WAC: variants seen among roughly 807,000 people sequenced by gnomAD.
WAC encodes the protein WW domain-containing adapter protein with coiled-coil.
Under a neutral mutation model 79.6 loss-of-function variants are expected in WAC, and 11 were observed. The observed-to-expected ratio is 0.14, with a 90% CI of 0.09 to 0.23. The LOEUF (loss-of-function observed/expected upper bound fraction) is 0.23. WAC is among the 10% of genes least tolerant of loss of function. The probability of loss-of-function intolerance (pLI) is 1.00; values close to 1 mark genes in which losing one functional copy is unlikely to be tolerated. For synonymous variants in WAC, 304 were observed against 276.9 expected (o/e 1.10, Z -0.97); for missense variants, 728 against 773.5 (o/e 0.94, Z 0.70).
At chr10:28,614,541 C>A (rs757558139) in intron 10 of WAC, 26 bp from the exon 11 acceptor site, 3 of 1,570,612 alleles carry the variant, frequency 1.9e-6, no homozygotes, top group Admixed American at 1.7e-5. Context: ...ATTTGGAGAC[C>A]ATCTCACCAG....
intron 4 of WAC, among the ~76,000 whole-genome samples, chr10:28,587,668 C>T (rs1839892378): frequency 6.6e-6 from 1 of 152,148 alleles, no homozygotes; most frequent in African/African-American, 2.4e-5. Context: ...TAAAAATTAT[C>T]CCATAATTTG....
chr10:28,551,658 C>T (rs557092537), intron 3 of WAC, among the ~76,000 whole-genome samples: 1 of 152,176 alleles, frequency 6.6e-6, no homozygotes, highest in African/African-American at 2.4e-5. Context: ...AACCCATCCC[C>T]AATAATTAAT....
At chr10:28,569,950 A>G (rs1003168412) in intron 3 of WAC, among the ~76,000 whole-genome samples, 1 of 152,202 alleles carries the variant, frequency 6.6e-6, no homozygotes, top group Non-Finnish European at 1.5e-5. Context: ...TGGGTTATCA[A>G]TGGCTCTATC....
chr10:28,602,742 G>C (rs1840703886), intron 7 of WAC, among the ~76,000 whole-genome samples: 1 of 152,040 alleles, frequency 6.6e-6, no homozygotes, highest in South Asian at 2.1e-4. Flanking sequence ...AGTTTGCAAG[G>C]GTACCTATAA....
At chr10:28,539,509 A>G (rs1344706359) in intron 3 of WAC, among the ~76,000 whole-genome samples, 5 of 152,110 alleles carry the variant, frequency 3.3e-5, no homozygotes, top group Non-Finnish European at 1.5e-5. Context: ...GAAAACATAC[A>G]ATCTTGTTTA....
intron 3 of WAC, among the ~76,000 whole-genome samples, chr10:28,572,708 G>T (rs572548495): frequency 2.0e-5 from 3 of 152,258 alleles, no homozygotes; most frequent in Admixed American, 2.0e-4. Flanking sequence ...CTACTTGGGA[G>T]GCTGAGGCAG....
At chr10:28,557,690 T>A (rs776050562) in intron 3 of WAC, among the ~76,000 whole-genome samples, 2 of 152,144 alleles carry the variant, frequency 1.3e-5, no homozygotes, top group Non-Finnish European at 2.9e-5. Flanking sequence ...TGAGACATTG[T>A]GTCTTTAAAG....
rs555122252 is a variant in WAC, at chr10:28,535,802, T to A, written c.274+45T>A. Reference sequence around the variant, plus strand: ...AAACTTTGACATACAGTTTTAACAATAGCTCTATATAAAAGGCGGCAGTAG... The same window carrying A: ...AAACTTTGACATACAGTTTTAACAAAAGCTCTATATAAAAGGCGGCAGTAG... On this transcript the variant is annotated intron_variant, in intron 3 of 13. Coordinates refer to ENST00000354911, the MANE Select transcript of WAC (RefSeq NM_016628.5). 4.4e-5 allele frequency: 66 copies of A among 1,495,992 alleles called. No individual in the cohort carries two copies. The African/African-American group carries it at 6.6e-4, about 15-fold the overall frequency. 92.7% of individuals were successfully genotyped at this position (1,495,992 alleles called of 1,614,324 possible).
chr10:28,549,205 T>C (rs1837532096), intron 3 of WAC, among the ~76,000 whole-genome samples: 1 of 152,226 alleles, frequency 6.6e-6, no homozygotes, highest in African/African-American at 2.4e-5. Flanking sequence ...AGACAAGTTT[T>C]TGATTTTTTA....
intron 7 of WAC, among the ~76,000 whole-genome samples, chr10:28,599,341 G>A (rs1344330379): frequency 6.6e-6 from 1 of 152,206 alleles, no homozygotes; most frequent in East Asian, 1.9e-4. Flanking sequence ...TAAGAGCAGA[G>A]TCTTTGTCTT....
intron 3 of WAC, among the ~76,000 whole-genome samples, chr10:28,564,286 G>A (rs1838475101): frequency 1.3e-5 from 2 of 152,046 alleles, no homozygotes; most frequent in African/African-American, 4.8e-5. Flanking sequence ...AAAAACCCTA[G>A]GAACAAGAAC....
At chr10:28,579,412 C>T (rs1294240847) in intron 3 of WAC, among the ~76,000 whole-genome samples, 3 of 152,174 alleles carry the variant, frequency 2.0e-5, no homozygotes, top group Non-Finnish European at 2.9e-5. Context: ...TGCTTGAATA[C>T]TCACTAGATT....
At chr10:28,534,759 C>T (rs1836531794) in intron 2 of WAC, among the ~76,000 whole-genome samples, 1 of 152,198 alleles carries the variant, frequency 6.6e-6, no homozygotes, top group Admixed American at 6.5e-5. Flanking sequence ...TCTTAAAGGA[C>T]TAGAGAGCAG....
At chr10:28,568,640 C>T (rs1838780881) in intron 3 of WAC, among the ~76,000 whole-genome samples, 1 of 152,076 alleles carries the variant, frequency 6.6e-6, no homozygotes, top group South Asian at 2.1e-4. Context: ...GTGTGCTGCA[C>T]CCATTAACTT....
At chr10:28,533,909 G>C in intron 1 of WAC, 89 bp from the exon 2 acceptor site, 1 of 1,501,200 alleles carries the variant, frequency 6.7e-7, no homozygotes, top group Non-Finnish European at 9.2e-7. Context: ...TCTCCCGCGG[G>C]GAGGGGCGGC....
At chr10:28,609,271 G>A (rs1841106242) in intron 8 of WAC, among the ~76,000 whole-genome samples, 1 of 152,196 alleles carries the variant, frequency 6.6e-6, no homozygotes, top group Non-Finnish European at 1.5e-5. Flanking sequence ...GCTGAGGTAC[G>A]AGAATCGCTT....
At position 28,610,607 on chromosome 10, in the gene WAC, G is replaced by T. The variant is rs1841190238; in HGVS notation, c.1166-92G>T. The T allele has an allele frequency of 2.0e-5, 27 of 1,324,026 alleles. No individual in the cohort carries two copies. In the Middle Eastern group the frequency reaches 1.1e-3, roughly 53 times the overall value. The allele number at this position is 1,324,026 out of a possible 1,614,324, so 82.0% of individuals were successfully genotyped here. ...GAGAGTTCTAGGTTGAAATATTCCA[G>T]TTTCTTGTGAGTTCTCTTCCTTGTC... On this transcript the variant is annotated intron_variant, in intron 8 of 13. Coordinates refer to ENST00000354911, the MANE Select transcript of WAC (RefSeq NM_016628.5).
In WAC at chr10:28,556,903, T is replaced by C. The variant is rs564838987; in HGVS notation, c.274+21146T>C. Reference sequence around the variant, plus strand: ...GTTTATTTTTGGGTGTTCTGTTGCATTGGTGTGTGTTTCTGTTTTTATACC... The same window carrying C: ...GTTTATTTTTGGGTGTTCTGTTGCACTGGTGTGTGTTTCTGTTTTTATACC... On this transcript the variant is annotated intron_variant, in intron 3 of 13. Coordinates refer to ENST00000354911, the MANE Select transcript of WAC (RefSeq NM_016628.5). Among the ~76,000 whole-genome samples, 6 of 152,318 alleles carry C rather than the reference T, an allele frequency of 3.9e-5. No homozygotes were observed. The East Asian group carries it at 5.8e-4, about 15-fold the overall frequency.
At chr10:28,602,140 A>C (rs542581782) in intron 7 of WAC, among the ~76,000 whole-genome samples, 1 of 152,302 alleles carries the variant, frequency 6.6e-6, no homozygotes, top group African/African-American at 2.4e-5. Context: ...CACTCTTGAG[A>C]CTAATGACAA....
Sources: gnomAD v4.1 joint callset for allele counts (sites outside exome capture counted in the v4.1 genomes callset) on GRCh38, gnomAD v4.1.1 for gene constraint, MANE v1.5 for transcripts, NCBI Gene and HGNC (gene_info 2026-07-23, HGNC 2026-07-21) for gene names.